The following FRMD6 variants were observed in gnomAD, a reference collection of about 807,000 sequenced individuals.
The protein encoded by FRMD6 is FERM domain-containing protein 6.
Under a neutral mutation model 73.2 loss-of-function variants are expected in FRMD6, and 37 were observed. The ratio of observed to expected loss-of-function variants is 0.51; its 90% CI spans 0.39 to 0.66. The LOEUF is 0.66. Among genes scored for constraint, FRMD6 ranks in the 30% least tolerant of loss-of-function variants. The probability of loss-of-function intolerance (pLI) is 0.00; values close to 1 mark genes in which losing one functional copy is unlikely to be tolerated. For missense variants in FRMD6, 714 were observed against 780.5 expected, an observed-to-expected ratio of 0.91 and a Z score of 1.02; for synonymous variants, 273 against 282.2, an observed-to-expected ratio of 0.97 and a Z score of 0.33.
rs530165989 is a variant in FRMD6 at position 51,579,180 on chromosome 14, T to C, written c.-147+8770T>C. The C allele has an allele frequency of 3.3e-5, 5 of 152,280 alleles. No homozygotes were observed. The East Asian group carries it at 7.7e-4, about 24-fold the overall frequency. The allele number at this position is 152,280 out of a possible 1,614,324, so 9.4% of individuals were successfully genotyped here. A position where few individuals can be genotyped will look rare whatever the true frequency, so the allele number is the denominator to read the frequency against. Reference sequence around the variant, plus strand: ...TCCTCAGTTGAGTTTTCATATTATATATAATATATTCAAGGAGACAACCAC... The same window carrying C: ...TCCTCAGTTGAGTTTTCATATTATACATAATATATTCAAGGAGACAACCAC... On this transcript the variant is annotated intron_variant, in intron 2 of 14. Coordinates refer to the FRMD6 transcript ENST00000356218.
At chr14:51,698,388 ATT>A (rs939770967) in intron 3 of FRMD6, among the ~76,000 whole-genome samples, 156 bp downstream of exon 3, 3 of 152,096 alleles carry the variant, frequency 2.0e-5, no homozygotes, top group African/African-American at 7.2e-5. Flanking sequence ...GTAGTATTTA[ATT>A]TTTTAATCTC....
intron 6 of FRMD6, among the ~76,000 whole-genome samples, chr14:51,707,722 C>T (rs1316628290): frequency 6.6e-6 from 1 of 152,132 alleles, no homozygotes; most frequent in Non-Finnish European, 1.5e-5. Context: ...AGATGTATTT[C>T]ATGGTACCAA....
At chr14:51,670,765 T>G (rs1205076636) in intron 1 of FRMD6, among the ~76,000 whole-genome samples, 1 of 151,644 alleles carries the variant, frequency 6.6e-6, no homozygotes, top group Non-Finnish European at 1.5e-5. Context: ...CCTGCCTCAG[T>G]CTCCTGAGTA....
At chr14:51,399,250 C>T in the FRMD6 span, among the ~76,000 whole-genome samples, 2 of 152,190 alleles carry the variant, frequency 1.3e-5, no homozygotes, top group Admixed American at 1.3e-4. Context: ...CCCCGTCTAT[C>T]TTTATGCATG....
At chr14:51,497,292 C>T (rs1883359450) in intron 1 of FRMD6, among the ~76,000 whole-genome samples, 1 of 151,358 alleles carries the variant, frequency 6.6e-6, no homozygotes, top group Non-Finnish European at 1.5e-5. Flanking sequence ...TCTCTCTCAG[C>T]CTGTTGCTTG....
At chr14:51,632,907 A>T (rs1891393176) in intron 2 of FRMD6, among the ~76,000 whole-genome samples, 1 of 152,250 alleles carries the variant, frequency 6.6e-6, no homozygotes, top group Non-Finnish European at 1.5e-5. Context: ...CAACTGTAAG[A>T]TGACATTTTG....
At chr14:51,693,414 A>T (rs188702733) in intron 2 of FRMD6, among the ~76,000 whole-genome samples, 2 of 152,322 alleles carry the variant, frequency 1.3e-5, no homozygotes, top group East Asian at 1.9e-4. Context: ...GTGAGGTCAT[A>T]TATCACGATT....
chr14:51,684,598 C>T (rs899706858), intron 1 of FRMD6, among the ~76,000 whole-genome samples: 2 of 152,096 alleles, frequency 1.3e-5, no homozygotes, highest in African/African-American at 2.4e-5. Flanking sequence ...ATTTTGCCCC[C>T]AGAGAACATT....
the FRMD6 span, among the ~76,000 whole-genome samples, chr14:51,440,729 G>A: frequency 6.6e-6 from 1 of 152,152 alleles, no homozygotes; most frequent in Non-Finnish European, 1.5e-5. Context: ...AGAAGCAATA[G>A]TTGCCAACAT....
At chr14:51,712,433 C>G (rs780090714) in intron 8 of FRMD6, 50 bp from the exon 9 acceptor site, 3 of 1,114,380 alleles carry the variant, frequency 2.7e-6, no homozygotes, top group Non-Finnish European at 4.1e-6. Flanking sequence ...AGCCATTTTA[C>G]AGTATCTATC....
At chr14:51,534,508 C>G (rs915674992) in intron 1 of FRMD6, among the ~76,000 whole-genome samples, 4 of 152,190 alleles carry the variant, frequency 2.6e-5, no homozygotes, top group African/African-American at 9.6e-5. Flanking sequence ...TCTACCTTTC[C>G]TATTTTCAAT....
intron 1 of FRMD6, among the ~76,000 whole-genome samples, chr14:51,666,001 C>T (rs1378274315): frequency 1.3e-5 from 2 of 152,176 alleles, no homozygotes; most frequent in Admixed American, 6.5e-5. Flanking sequence ...TCTTTATCAG[C>T]AGCATGAAAA....
the FRMD6 span, among the ~76,000 whole-genome samples, chr14:51,416,348 TTG>T: frequency 6.6e-6 from 1 of 152,264 alleles, no homozygotes; most frequent in South Asian, 2.1e-4. Context: ...TGCTGGTATG[TTG>T]TGTCTTTGTT....
the FRMD6 span, among the ~76,000 whole-genome samples, chr14:51,411,366 G>A: frequency 6.6e-6 from 1 of 152,302 alleles, no homozygotes; most frequent in Admixed American, 6.5e-5. Flanking sequence ...AAACTGGGAA[G>A]TAAGGACAAG....
upstream of FRMD6, among the ~76,000 whole-genome samples, chr14:51,648,808 T>C (rs750635771): frequency 2.0e-5 from 3 of 152,230 alleles, no homozygotes; most frequent in East Asian, 1.9e-4. Context: ...AATAAATTCA[T>C]AGAATGAATA....
Position 51,729,581 on chromosome 14 carries a change from C to A in FRMD6, c.*1552C>A, listed in dbSNP as rs988339756. 1 of 152,414 alleles carries A rather than the reference C, an allele frequency of 6.6e-6. No individual in the cohort carries two copies. The highest frequency in any genetic ancestry group is 1.5e-5 in the Non-Finnish European group (1 of 67,990). The allele number at this position is 152,414 out of a possible 1,614,324, so 9.4% of individuals were successfully genotyped here. On this transcript the variant is annotated 3_prime_UTR_variant, in exon 14 of 14. Transcript: ENST00000344768. Reference sequence around the variant, plus strand: ...TTGATATACCATTTTTTTCTATCTGCCCAGTTTTATTAAAAAAACTATATA... The same window carrying A: ...TTGATATACCATTTTTTTCTATCTGACCAGTTTTATTAAAAAAACTATATA...
chr14:51,524,250 C>A (rs1566792292), intron 1 of FRMD6, among the ~76,000 whole-genome samples: 1 of 152,036 alleles, frequency 6.6e-6, no homozygotes, highest in South Asian at 2.1e-4. Flanking sequence ...CACCTCCTTC[C>A]TCTGTAAATT....
chr14:51,642,202 A>G (rs187378512), intron 2 of FRMD6, among the ~76,000 whole-genome samples: 184 of 152,294 alleles, frequency 1.2e-3, no homozygotes, highest in African/African-American at 4.2e-3. Context: ...ATAGTGAGAG[A>G]GAGAGAGGGT....
chr14:51,673,451 T>G (rs973263558), intron 1 of FRMD6, among the ~76,000 whole-genome samples: 1 of 152,204 alleles, frequency 6.6e-6, no homozygotes, highest in Non-Finnish European at 1.5e-5. Flanking sequence ...GGGAATCTTC[T>G]CAGTTCTTTT....
Sources: allele counts gnomAD v4.1 joint callset (sites outside exome capture counted in the v4.1 genomes callset), GRCh38; gene constraint gnomAD v4.1.1; transcripts MANE v1.5; gene names NCBI Gene and HGNC (gene_info 2026-07-23, HGNC 2026-07-21).